Variants in HSF2 observed in about 807,000 individuals in gnomAD.
HSF2 encodes the protein heat shock factor protein 2.
A neutral mutation model predicts 65.0 loss-of-function variants in HSF2; 21 were observed. That is an observed-to-expected ratio of 0.32 (90% CI 0.23 to 0.47). The LOEUF is 0.47. HSF2 is among the 20% of genes least tolerant of loss of function. HSF2 has a pLI of 1.00. For missense variants in HSF2, 499 were observed against 628.1 expected, an observed-to-expected ratio of 0.79 and a Z score of 2.20; for synonymous variants, 225 against 219.1, an observed-to-expected ratio of 1.03 and a Z score of -0.24.
At chr6:122,403,319 A>T (rs1459758915) in intron 1 of HSF2, among the ~76,000 whole-genome samples, 1 of 152,202 alleles carries the variant, frequency 6.6e-6, no homozygotes, top group African/African-American at 2.4e-5. Flanking sequence ...AAGAAAGCAT[A>T]ATGTGGCTAG....
intron 1 of HSF2, among the ~76,000 whole-genome samples, chr6:122,400,082 A>C (rs1207190128): frequency 4.6e-5 from 7 of 152,068 alleles, no homozygotes; most frequent in Non-Finnish European, 1.5e-5. Flanking sequence ...GTAGCGGCCC[A>C]GGCAGCCCCT....
chr6:122,399,901 G>T (rs1773679346), intron 1 of HSF2, 71 bp downstream of exon 1: 1 of 1,201,946 alleles, frequency 8.3e-7, no homozygotes, highest in Non-Finnish European at 1.2e-6. Context: ...CTGCGGGGTG[G>T]TCTCTCGCGG....
chr6:122,401,349 G>A (rs547686905), intron 1 of HSF2, among the ~76,000 whole-genome samples: 1 of 152,276 alleles, frequency 6.6e-6, no homozygotes, highest in East Asian at 1.9e-4. Context: ...ACACGTATTC[G>A]TGTTAGAGAT....
chr6:122,413,692 G>A (rs1459179101), intron 4 of HSF2, 43 bp downstream of exon 4: 5 of 1,518,100 alleles, frequency 3.3e-6, no homozygotes, highest in Admixed American at 3.5e-5. Context: ...TGGGAATTGG[G>A]TATGTGTCTA....
chr6:122,414,803 G>A (rs1014916219), intron 4 of HSF2, among the ~76,000 whole-genome samples: 1 of 152,088 alleles, frequency 6.6e-6, no homozygotes, highest in Non-Finnish European at 1.5e-5. Context: ...TTTTAGTAGA[G>A]ATGGGGTTTC....
rs752949746 is a variant in HSF2 at position 122,412,399 on chromosome 6, T to C, written c.120T>C (p.Asp40=). The change falls in exon 2 of 13, where the codon GAT becomes GAC. Residue 40 remains aspartate, a synonymous_variant. Transcript: ENST00000368455. Reference sequence around the variant, plus strand: ...ATGGCCAAAGTTTTCTGGTCTTGGATGAGCAACGATTTGCAAAAGAAATTC... The same window carrying C: ...ATGGCCAAAGTTTTCTGGTCTTGGACGAGCAACGATTTGCAAAAGAAATTC... The part of the protein sequence containing the change: ...SQNGQSFLVL[D]EQRFAKEILP... 6.2e-7 allele frequency: 1 copy of C among 1,612,194 alleles called. No homozygotes were observed. The highest frequency in any genetic ancestry group is 8.5e-7 in the Non-Finnish European group (1 of 1,178,474).
chr6:122,399,579 C>T, upstream of HSF2: 1 of 605,286 alleles, frequency 1.7e-6, no homozygotes, highest in South Asian at 2.0e-5. Flanking sequence ...GCCGCCCGGC[C>T]TCTCGGCCTT....
chr6:122,420,738 A>ATTTTTTTT (rs1562203810), intron 7 of HSF2, among the ~76,000 whole-genome samples: 1 of 84,300 alleles, frequency 1.2e-5, no homozygotes, highest in Non-Finnish European at 2.2e-5. Context: ...TTGAGATGGG[A>ATTTTTTTT]TTTCACTCTG....
rs45489095 is a variant in HSF2, at chr6:122,411,825, G to A, written c.94-548G>A. Among the ~76,000 whole-genome samples, 20 of 151,754 alleles carry A rather than the reference G, an allele frequency of 1.3e-4. 1 individual carries two copies. Among genetic ancestry groups the A allele is most frequent in the Middle Eastern group, 3.4e-3 (1 of 292 alleles). ...ATGCTACTTTGATTACTTTATTTTT[G>A]TAGTGTTTCCAGGTGTTTGTTTTTT... On this transcript the variant is annotated intron_variant, in intron 1 of 12. Transcript: ENST00000368455.
In HSF2 at chr6:122,431,470, T is replaced by C. The variant is rs948237876; in HGVS notation, c.1271T>C (p.Val424Ala). ...TTAGAAACTACCAAGAACAATGTAG[T>C]TCAGCCAGTTTCGGAAGAGGGAAGA... ...KGLETTKNNV[V>A]QPVSEEGRKS... The change falls in exon 12 of 13, where the codon GTT becomes GCT. Residue 424 changes from valine (V) to alanine (A), a missense_variant. Around this residue, in one of 2 missense-constraint regions of HSF2, gnomAD observed 349 missense variants for 393.5 expected, o/e 0.89. Coordinates refer to ENST00000368455, the MANE Select transcript of HSF2 (RefSeq NM_004506.4). 1.6e-5 allele frequency: 25 copies of C among 1,592,624 alleles called. No homozygotes were observed. The highest frequency in any genetic ancestry group is 2.1e-5 in the Non-Finnish European group (25 of 1,165,924).
At chr6:122,414,503 G>A (rs1374511257) in intron 4 of HSF2, among the ~76,000 whole-genome samples, 2 of 152,156 alleles carry the variant, frequency 1.3e-5, no homozygotes, top group African/African-American at 2.4e-5. Flanking sequence ...TTTACTGTAT[G>A]TATCTTGTGT....
chr6:122,427,811 C>A, intron 10 of HSF2, 92 bp from the exon 11 acceptor site: 1 of 802,946 alleles, frequency 1.2e-6, no homozygotes, highest in Non-Finnish European at 2.0e-6. Context: ...GGGGCTACAT[C>A]TCTTCACCCA....
At position 122,399,676 on chromosome 6, in the gene HSF2, C is replaced by CTGCCGCCGTAGT. The variant is rs1264754382; in HGVS notation, c.-54_-53insTAGTTGCCGCCG. 19 of 1,426,048 alleles carry CTGCCGCCGTAGT rather than the reference C, an allele frequency of 1.3e-5. No individual in the cohort carries two copies. Among genetic ancestry groups the CTGCCGCCGTAGT allele is most frequent in the Admixed American group, 5.3e-5 (3 of 56,920 alleles). 88.3% of individuals were successfully genotyped at this position (1,426,048 alleles called of 1,614,324 possible). A position where few individuals can be genotyped will look rare whatever the true frequency, so the allele number is the denominator to read the frequency against. The stretch of plus-strand genomic sequence containing the variant: ...CGTTCTCGGGGAGCTGCTGCCGTAG[C>CTGCCGCCGTAGT]TGCCGCCGCCGCTACCACCGCGTTC... On this transcript the variant is annotated 5_prime_UTR_variant, in exon 1 of 13. Coordinates refer to ENST00000368455, the MANE Select transcript of HSF2 (RefSeq NM_004506.4).
At chr6:122,423,752 C>A in intron 10 of HSF2, 66 bp downstream of exon 10, 2 of 807,518 alleles carry the variant, frequency 2.5e-6, no homozygotes, top group South Asian at 4.1e-5. Context: ...ATTTAAAAAC[C>A]AGTACGTCAT....
At position 122,422,199 on chromosome 6, in the gene HSF2, A is replaced by C. The variant is rs1217125141; in HGVS notation, c.731A>C (p.Asp244Ala). The change falls in exon 8 of 13, where the codon GAT becomes GCT. Residue 244 changes from aspartate (D) to alanine (A), a missense_variant. Asp to Ala is a moderately radical substitution (Grantham distance 126). Around this residue, in one of 2 missense-constraint regions of HSF2, gnomAD observed 349 missense variants for 393.5 expected, o/e 0.89. Transcript: ENST00000368455. ...EGLKPRERIS[D>A]DIIIYDVTDD... ...TTAAAGCCAAGGGAGAGGATTTCAG[A>C]TGACATCATTATTTATGATGTTACT... 5.6e-6 allele frequency: 9 copies of C among 1,601,548 alleles called. No individual in the cohort carries two copies. The highest frequency in any genetic ancestry group is 6.8e-6 in the Non-Finnish European group (8 of 1,169,640).
At chr6:122,421,999 T>G (rs1296958229) in intron 7 of HSF2, 151 bp from the exon 8 acceptor site, 8 of 599,832 alleles carry the variant, frequency 1.3e-5, no homozygotes, top group African/African-American at 1.9e-5. Flanking sequence ...GTACCAATTA[T>G]TATGTAAGTT....
intron 8 of HSF2, 114 bp downstream of exon 8, chr6:122,422,412 T>A: frequency 1.1e-6 from 1 of 886,062 alleles, no homozygotes; most frequent in South Asian, 1.5e-5. Flanking sequence ...CACATTTGGA[T>A]TATTAAACTT....
chr6:122,411,945 C>A (rs766225807), intron 1 of HSF2, among the ~76,000 whole-genome samples: 2 of 151,842 alleles, frequency 1.3e-5, no homozygotes, highest in Non-Finnish European at 1.5e-5. Context: ...TACAAAGATA[C>A]AATTATGTCT....
intron 10 of HSF2, 83 bp from the exon 11 acceptor site, chr6:122,427,820 C>A (rs570821710): frequency 1.1e-6 from 1 of 924,778 alleles, no homozygotes; most frequent in Non-Finnish European, 1.7e-6. Flanking sequence ...TCTCTTCACC[C>A]AACATGGCTG....
Sources: gnomAD v4.1 joint callset for allele counts (sites outside exome capture counted in the v4.1 genomes callset) on GRCh38, gnomAD v4.1.1 for gene constraint, gnomAD v4.1.1 regional missense constraint, MANE v1.5 for transcripts, NCBI Gene and HGNC (gene_info 2026-07-23, HGNC 2026-07-21) for gene names.